KCNIP4: variants seen among roughly 807,000 people sequenced by gnomAD.
KCNIP4 encodes potassium voltage-gated channel interacting protein 4.
Under a neutral mutation model 34.0 loss-of-function variants are expected in KCNIP4, and 12 were observed. That is an observed-to-expected ratio of 0.35 (90% CI 0.23 to 0.57). KCNIP4 has a LOEUF of 0.57. KCNIP4 is among the 20% of genes least tolerant of loss of function. The probability of loss-of-function intolerance (pLI) is 0.83; values close to 1 mark genes in which losing one functional copy is unlikely to be tolerated. For missense variants in KCNIP4, 238 were observed against 311.7 expected (o/e 0.76, Z 1.78); for synonymous variants, 124 against 102.2 (o/e 1.21, Z -1.29).
chr4:20,903,857 G>T (rs1427709385), intron 1 of KCNIP4, among the ~76,000 whole-genome samples: 1 of 152,068 alleles, frequency 6.6e-6, no homozygotes, highest in East Asian at 1.9e-4. Context: ...GCCTTTAATT[G>T]CCTGAGCTGG....
chr4:21,765,494 G>C (rs911896460), intron 1 of KCNIP4, among the ~76,000 whole-genome samples: 4 of 151,952 alleles, frequency 2.6e-5, no homozygotes, highest in African/African-American at 9.7e-5. Flanking sequence ...GGGAAAAGTG[G>C]TCAATTTCTG....
In KCNIP4 at chr4:21,680,972, A is replaced by T. The variant is rs901695276; in HGVS notation, c.61+267599T>A. On this transcript the variant is annotated intron_variant, in intron 1 of 8. Transcript: ENST00000382152. ...AAGTCATAAGCTGCATTAGTCCCTA[A>T]AAAGAGAGTCAGTCTCCCCTTTGAA... Among the ~76,000 whole-genome samples, 30 of 152,316 alleles carry T rather than the reference A, an allele frequency of 2.0e-4. No homozygotes were observed. In the South Asian group the frequency reaches 6.2e-3, roughly 32 times the overall value.
rs533862477 is a variant in KCNIP4, at chr4:20,995,756, A to G, written c.62-113047T>C. On this transcript the variant is annotated intron_variant, in intron 1 of 8. Transcript: ENST00000382152. ...TTTATCTGAGGACTTTGACCTTTGC[A>G]TAATTTCCACCTCACTGCATTTGTG... Among the ~76,000 whole-genome samples, 5 of 152,330 alleles carry G rather than the reference A, an allele frequency of 3.3e-5. No homozygotes were observed. In the South Asian group the frequency reaches 6.2e-4, roughly 19 times the overall value.
At chr4:21,573,540 C>A (rs1740510228) in intron 1 of KCNIP4, among the ~76,000 whole-genome samples, 1 of 151,944 alleles carries the variant, frequency 6.6e-6, no homozygotes, top group African/African-American at 2.4e-5. Flanking sequence ...CAGTTTGAAC[C>A]TAATTGCTTA....
chr4:21,788,205 C>T (rs1720035534), intron 1 of KCNIP4, among the ~76,000 whole-genome samples: 1 of 151,808 alleles, frequency 6.6e-6, no homozygotes, highest in Non-Finnish European at 1.5e-5. Flanking sequence ...TTCATATAAA[C>T]TCAAGAGCAA....
chr4:21,729,285 C>A (rs977864859), intron 1 of KCNIP4, among the ~76,000 whole-genome samples: 1 of 152,132 alleles, frequency 6.6e-6, no homozygotes, highest in African/African-American at 2.4e-5. Context: ...CTTCTTATTT[C>A]ATTATTAGAA....
chr4:21,240,557 C>T (rs1759733163), intron 1 of KCNIP4, among the ~76,000 whole-genome samples: 1 of 152,052 alleles, frequency 6.6e-6, no homozygotes, highest in Non-Finnish European at 1.5e-5. Context: ...CAGCAATTTT[C>T]CCATCCCCTT....
intron 1 of KCNIP4, among the ~76,000 whole-genome samples, chr4:20,994,255 A>C (rs1737341277): frequency 6.6e-6 from 1 of 152,168 alleles, no homozygotes; most frequent in Admixed American, 6.5e-5. Flanking sequence ...TATATTAGTT[A>C]TTTTTAACAG....
At chr4:21,323,091 A>G (rs1714666063) in intron 1 of KCNIP4, among the ~76,000 whole-genome samples, 1 of 150,804 alleles carries the variant, frequency 6.6e-6, no homozygotes, top group African/African-American at 2.4e-5. Context: ...TCAAATGTTG[A>G]AGTATGTATG....
chr4:21,118,304 A>G (rs934032069), intron 1 of KCNIP4, among the ~76,000 whole-genome samples: 2 of 152,124 alleles, frequency 1.3e-5, no homozygotes, highest in African/African-American at 2.4e-5. Flanking sequence ...ATCAGCCTAG[A>G]GCAGGTAGGT....
At chr4:21,127,067 A>G (rs1560746614) in intron 1 of KCNIP4, among the ~76,000 whole-genome samples, 1 of 152,078 alleles carries the variant, frequency 6.6e-6, no homozygotes, top group Admixed American at 6.6e-5. Flanking sequence ...TGCATTTGCT[A>G]TTCTCTCTAC....
At chr4:21,519,680 A>ATGTGTATATACACACGTGTGTGTATG (rs1735277160) in intron 1 of KCNIP4, among the ~76,000 whole-genome samples, 1 of 139,076 alleles carries the variant, frequency 7.2e-6, no homozygotes, top group Non-Finnish European at 1.6e-5. Flanking sequence ...GTGTGTATGT[A>ATGTGTATATACACACGTGTGTGTATG]TGTGTATATA....
chr4:21,675,454 T>C lies in KCNIP4; in HGVS notation c.61+273117A>G, dbSNP rs992233317. ...AAATAATTTAAAGAATGTAGCTGGA[T>C]TGTTTGTAACTCAAAGGATAAATGC... On this transcript the variant is annotated intron_variant, in intron 1 of 8. Transcript: ENST00000382152. Among the ~76,000 whole-genome samples the C allele has an allele frequency of 2.1e-4, 32 of 152,180 alleles. 1 individual carries two copies. Among genetic ancestry groups the C allele is most frequent in the African/African-American group, 6.3e-4 (26 of 41,454 alleles).
intron 1 of KCNIP4, among the ~76,000 whole-genome samples, chr4:21,798,562 A>AAAAGAAAGAAAGAAAGAAAGAAAGAAAG (rs71193411): frequency 0.044 from 5,098 of 116,746 alleles, 149 homozygotes; most frequent in Non-Finnish European, 0.071. Context: ...GAGAGAAAGA[A>AAAAGAAAGAAAGAAAGAAAGAAAGAAAG]AAAGAAAGAA....
intron 1 of KCNIP4, among the ~76,000 whole-genome samples, chr4:21,631,306 C>T (rs1412056650): frequency 6.6e-6 from 1 of 152,038 alleles, no homozygotes; most frequent in African/African-American, 2.4e-5. Context: ...ATAAGCCATG[C>T]TTTTATTTTA....
chr4:21,153,417 T>C (rs950140016), intron 1 of KCNIP4, among the ~76,000 whole-genome samples: 1 of 151,168 alleles, frequency 6.6e-6, no homozygotes, highest in Non-Finnish European at 1.5e-5. Flanking sequence ...TTAAAGGGCA[T>C]TAGTATTTCT....
At chr4:21,407,087 T>C (rs914051103) in intron 1 of KCNIP4, among the ~76,000 whole-genome samples, 1 of 152,158 alleles carries the variant, frequency 6.6e-6, no homozygotes, top group African/African-American at 2.4e-5. Context: ...ACCACAATGA[T>C]ATATGGAGTG....
intron 1 of KCNIP4, among the ~76,000 whole-genome samples, chr4:21,024,891 C>A (rs1740388239): frequency 6.6e-6 from 1 of 152,044 alleles, no homozygotes; most frequent in African/African-American, 2.4e-5. Context: ...AGTGTCCAAC[C>A]CTTCATCAAA....
At chr4:20,797,025 GTAA>G (rs1175623540) in intron 3 of KCNIP4, among the ~76,000 whole-genome samples, 7 of 152,180 alleles carry the variant, frequency 4.6e-5, no homozygotes, top group Non-Finnish European at 8.8e-5. Context: ...TCTGTGTTGT[GTAA>G]TAATATTTCC....
Sources: gnomAD v4.1 joint callset for allele counts (sites outside exome capture counted in the v4.1 genomes callset) on GRCh38, gnomAD v4.1.1 for gene constraint, MANE v1.5 for transcripts, NCBI Gene and HGNC (gene_info 2026-07-23, HGNC 2026-07-21) for gene names.